ZBTB8OS: variants seen among roughly 807,000 people sequenced by gnomAD.
ZBTB8OS encodes the protein tRNA-splicing ligase-activating factor archease.
In ZBTB8OS, 16 loss-of-function variants were observed where a neutral mutation model predicts 29.3. That is an observed-to-expected ratio of 0.55 (90% confidence interval 0.37 to 0.83). The LOEUF (loss-of-function observed/expected upper bound fraction) is 0.83, where lower values mean the gene tolerates loss of function less well. Ranked by LOEUF, ZBTB8OS falls within the 40% of genes least tolerant of loss-of-function variation. The pLI, the probability that ZBTB8OS is intolerant of heterozygous loss-of-function variation, is 0.00. For missense variants in ZBTB8OS, 160 were observed against 196.9 expected (o/e 0.81, Z 1.12); for synonymous variants, 70 against 64.6 (o/e 1.08, Z -0.40).
intron 6 of ZBTB8OS, among the ~76,000 whole-genome samples, chr1:32,625,626 A>G (rs1645072506): frequency 6.6e-6 from 1 of 152,174 alleles, no homozygotes; most frequent in Non-Finnish European, 1.5e-5. Flanking sequence ...AAGCTCAGCT[A>G]CTCAGGAGAC....
At chr1:32,626,003 G>A (rs776810370) in intron 6 of ZBTB8OS, among the ~76,000 whole-genome samples, 15 of 151,838 alleles carry the variant, frequency 9.9e-5, no homozygotes, top group Non-Finnish European at 1.9e-4. Context: ...CTCCCGAATA[G>A]CTGGGATTAC....
At chr1:32,650,128 C>A (rs1390611844) in intron 1 of ZBTB8OS, among the ~76,000 whole-genome samples, 1 of 152,128 alleles carries the variant, frequency 6.6e-6, no homozygotes, top group Non-Finnish European at 1.5e-5. Context: ...GGGGTAACAA[C>A]CCTGCAAACG....
In ZBTB8OS at chr1:32,621,261, T is replaced by A. The variant is rs1332549029; in HGVS notation, c.*601A>T. ...TAAAGATACAAAAATTAGCCGGGCA[T>A]GGTGGCGGGTGCCTATAGTCCCAGC... On this transcript the variant is annotated 3_prime_UTR_variant, in exon 7 of 7. Coordinates refer to ENST00000468695, the MANE Select transcript of ZBTB8OS (RefSeq NM_178547.5). 2 of 152,262 alleles carry A rather than the reference T, an allele frequency of 1.3e-5. No homozygotes were observed. The highest frequency in any genetic ancestry group is 6.5e-5 in the Admixed American group (1 of 15,278). The allele number at this position is 152,262 out of a possible 1,614,324, so 9.4% of individuals were successfully genotyped here. A position where few individuals can be genotyped will look rare whatever the true frequency, so the allele number is the denominator to read the frequency against.
At chr1:32,625,992 C>A (rs1454217891) in intron 6 of ZBTB8OS, among the ~76,000 whole-genome samples, 1 of 151,970 alleles carries the variant, frequency 6.6e-6, no homozygotes, top group African/African-American at 2.4e-5. Context: ...CCTGCCTCAG[C>A]CTCCCGAATA....
intron 1 of ZBTB8OS, among the ~76,000 whole-genome samples, chr1:32,648,328 A>G (rs1647009896): frequency 6.6e-6 from 1 of 152,234 alleles, no homozygotes; most frequent in East Asian, 1.9e-4. Flanking sequence ...TATCCTTTTA[A>G]AAAATGTAGG....
intron 4 of ZBTB8OS, among the ~76,000 whole-genome samples, chr1:32,632,559 C>A (rs1057046189): frequency 6.6e-6 from 1 of 152,136 alleles, no homozygotes; most frequent in Non-Finnish European, 1.5e-5. Flanking sequence ...GGACCACAGG[C>A]ATGTGCCACT....
intron 4 of ZBTB8OS, 177 bp from the exon 5 acceptor site, chr1:32,632,056 C>T: frequency 3.3e-6 from 1 of 305,686 alleles, no homozygotes; most frequent in Non-Finnish European, 5.6e-6. Context: ...GGCTGGAGTA[C>T]AGTGGCGTGA....
At chr1:32,643,439 G>GTGGA (rs747443180) in intron 1 of ZBTB8OS, among the ~76,000 whole-genome samples, 1 of 151,592 alleles carries the variant, frequency 6.6e-6, no homozygotes, top group Non-Finnish European at 1.5e-5. Flanking sequence ...GTCTACCAAG[G>GTGGA]TGGAGTACAG....
chr1:32,628,798 T>C (rs1224170907), intron 5 of ZBTB8OS, among the ~76,000 whole-genome samples: 1 of 151,862 alleles, frequency 6.6e-6, no homozygotes, highest in African/African-American at 2.4e-5. Context: ...TAGGCAGGCA[T>C]GGTTCCATGC....
chr1:32,624,885 C>T (rs1338844495), intron 6 of ZBTB8OS, among the ~76,000 whole-genome samples: 2 of 147,938 alleles, frequency 1.4e-5, no homozygotes, highest in African/African-American at 5.0e-5. Flanking sequence ...CAGAGTAAGA[C>T]TCCATCTCAA....
At chr1:32,625,282 G>A (rs1042878580) in intron 6 of ZBTB8OS, among the ~76,000 whole-genome samples, 19 of 150,576 alleles carry the variant, frequency 1.3e-4, no homozygotes, top group African/African-American at 3.2e-4. Context: ...GATGGCTCAC[G>A]CCTCTTTTGG....
intron 1 of ZBTB8OS, among the ~76,000 whole-genome samples, chr1:32,645,088 A>T (rs1390741505): frequency 1.3e-5 from 2 of 152,036 alleles, no homozygotes; most frequent in African/African-American, 2.4e-5. Context: ...CTGAGGCAGG[A>T]GAATTGTTTG....
At chr1:32,635,793 A>G (rs1557781373) in intron 1 of ZBTB8OS, among the ~76,000 whole-genome samples, 1 of 152,146 alleles carries the variant, frequency 6.6e-6, no homozygotes, top group African/African-American at 2.4e-5. Flanking sequence ...GGCCCAACTA[A>G]CTTTGAGAAG....
intron 6 of ZBTB8OS, among the ~76,000 whole-genome samples, chr1:32,622,809 T>C (rs1644847100): frequency 6.6e-6 from 1 of 151,900 alleles, no homozygotes; most frequent in South Asian, 2.1e-4. Context: ...CAAGCTTTTC[T>C]ACTATTTGGC....
chr1:32,644,579 C>T (rs1482593264), intron 1 of ZBTB8OS, among the ~76,000 whole-genome samples: 3 of 146,660 alleles, frequency 2.0e-5, no homozygotes, highest in Admixed American at 6.9e-5. Context: ...TCACCCAGGC[C>T]GGGAGTATAG....
intron 6 of ZBTB8OS, among the ~76,000 whole-genome samples, chr1:32,625,598 T>C (rs1478582368): frequency 6.6e-6 from 1 of 152,088 alleles, no homozygotes; most frequent in East Asian, 1.9e-4. Context: ...CAAGCTGGAA[T>C]TGGTGGTGTG....
In ZBTB8OS at chr1:32,624,893, C is replaced by CA. The variant is rs751409126; in HGVS notation, c.417+2614dup. ...TGGGCAACAGAGTAAGACTCCATCTCAAAAAAAAAAAAAGAGTTATTTGAT... is the reference window on the plus strand; with the variant it reads ...TGGGCAACAGAGTAAGACTCCATCTCAAAAAAAAAAAAAAGAGTTATTTGAT... On this transcript the variant is annotated intron_variant, in intron 6 of 6. Transcript: ENST00000468695. 3.2e-3 allele frequency among the ~76,000 whole-genome samples: 373 copies of CA among 114,944 alleles called. 1 individual carries two copies. Among genetic ancestry groups the CA allele is most frequent in the South Asian group, 9.2e-3 (34 of 3,710 alleles). 75.4% of individuals were successfully genotyped at this position (114,944 alleles called of 152,430 possible). A position where few individuals can be genotyped will look rare whatever the true frequency, so the allele number is the denominator to read the frequency against.
chr1:32,621,253 G>T lies in ZBTB8OS; in HGVS notation c.*609C>A, dbSNP rs774967149. On this transcript the variant is annotated 3_prime_UTR_variant, in exon 7 of 7. Coordinates refer to ENST00000468695, the MANE Select transcript of ZBTB8OS (RefSeq NM_178547.5). ...GTCTCTACTAAAGATACAAAAATTA[G>T]CCGGGCATGGTGGCGGGTGCCTATA... The T allele has an allele frequency of 6.6e-6, 1 of 152,346 alleles. No individual in the cohort carries two copies. The highest frequency in any genetic ancestry group is 1.5e-5 in the Non-Finnish European group (1 of 68,214). The allele number at this position is 152,346 out of a possible 1,614,324, so 9.4% of individuals were successfully genotyped here. A position where few individuals can be genotyped will look rare whatever the true frequency, so the allele number is the denominator to read the frequency against.
intron 1 of ZBTB8OS, among the ~76,000 whole-genome samples, chr1:32,638,681 G>A (rs891421412): frequency 1.3e-5 from 2 of 152,238 alleles, no homozygotes; most frequent in East Asian, 1.9e-4. Context: ...GGGAGGCCAA[G>A]GTGGGTAGTT....
Sources: gnomAD v4.1 joint callset for allele counts (sites outside exome capture counted in the v4.1 genomes callset) on GRCh38, gnomAD v4.1.1 for gene constraint, MANE v1.5 for transcripts, NCBI Gene and HGNC (gene_info 2026-07-23, HGNC 2026-07-21) for gene names.